The following COA6 variants were observed in gnomAD, a reference collection of about 807,000 sequenced individuals.
COA6 encodes the protein cytochrome c oxidase assembly factor 6 homolog.
COA6 carries 12 observed loss-of-function variants against 17.1 expected under a neutral mutation model. The ratio of observed to expected loss-of-function variants is 0.70; its 90% CI spans 0.45 to 1.14. The LOEUF (loss-of-function observed/expected upper bound fraction) is 1.14, where lower values mean the gene tolerates loss of function less well. COA6 is among the 50% of genes most tolerant of loss of function. The pLI, the probability that COA6 is intolerant of heterozygous loss-of-function variation, is 0.00. For missense variants in COA6, 246 were observed against 196.5 expected (o/e 1.25, Z -1.51); for synonymous variants, 90 against 73.4 (o/e 1.23, Z -1.16).
rs768275768 is a variant in COA6 at position 234,374,224 on chromosome 1, C to T, written c.213-6C>T. On this transcript the variant is annotated splice_polypyrimidine_tract_variant and splice_region_variant and intron_variant, in intron 1 of 2. Coordinates refer to ENST00000366615, the MANE Select transcript of COA6 (RefSeq NM_001206641.3). The stretch of plus-strand genomic sequence containing the variant: ...TGTTAATCTCAAATATTATTTTGGC[C>T]AACAGCTTCATCGCAGTAGGAATGG... 9 of 1,604,846 alleles carry T rather than the reference C, an allele frequency of 5.6e-6. No homozygotes were observed. In the South Asian group the frequency reaches 7.8e-5, roughly 14 times the overall value.
chr1:234,374,427 G>T (rs1386137986), intron 2 of COA6, 38 bp downstream of exon 2: 1 of 1,606,244 alleles, frequency 6.2e-7, no homozygotes, highest in South Asian at 1.1e-5. Context: ...TCCCTGTTAA[G>T]ATACATCGAG....
At chr1:234,379,716 G>A (rs962522394) in intron 2 of COA6, among the ~76,000 whole-genome samples, 3 of 152,170 alleles carry the variant, frequency 2.0e-5, no homozygotes, top group African/African-American at 7.2e-5. Context: ...TGGAAGGCAA[G>A]GGGGAAGCAA....
chr1:234,382,786 C>T (rs1408543981), intron 2 of COA6, among the ~76,000 whole-genome samples: 2 of 152,120 alleles, frequency 1.3e-5, no homozygotes, highest in East Asian at 3.9e-4. Flanking sequence ...AGGTGGATCA[C>T]TTGAGGTCAG....
intron 2 of COA6, among the ~76,000 whole-genome samples, chr1:234,380,096 T>C (rs1658930158): frequency 1.3e-5 from 2 of 152,238 alleles, no homozygotes; most frequent in Admixed American, 1.3e-4. Context: ...TCTGCACCAC[T>C]GTTCTTTCTT....
At position 234,383,765 on chromosome 1, in the gene COA6, GA is replaced by G; in HGVS notation, c.420del (p.Lys140AsnfsTer30). 1.3e-6 allele frequency: 2 copies of G among 1,567,920 alleles called. No homozygotes were observed. Among genetic ancestry groups the G allele is most frequent in the Non-Finnish European group, 1.8e-6 (2 of 1,142,722 alleles). ...AAGAAGAGACTACTTAAAATTCAAA[GA>G]AAAATTTGAAGCAGGACAATTTGAG... Reference protein sequence around the residue: ...DKRRDYLKFKEKFEAGQFEPS... With the variant: ...DKRRDYLKFKXKFEAGQFEPS... On this transcript the variant is annotated frameshift_variant, in exon 3 of 3. Coordinates refer to ENST00000366615, the MANE Select transcript of COA6 (RefSeq NM_001206641.3). LOFTEE classifies it high-confidence loss of function.
Position 234,373,629 on chromosome 1 carries a change from G to A in COA6, c.163G>A (p.Val55Ile), listed in dbSNP as rs749057552. Residue 55 changes from valine to isoleucine, a missense_variant, in exon 1 of 3, where the codon GTT (valine) becomes ATT (isoleucine). Coordinates refer to ENST00000366615, the MANE Select transcript of COA6 (RefSeq NM_001206641.3). ...LHRRLVACVT[V>I]SSRRHRKEAG... The stretch of plus-strand genomic sequence containing the variant: ...CCGCCGGTTGGTGGCCTGCGTGACA[G>A]TTTCCTCCCGTCGACATCGAAAGGA... The A allele has an allele frequency of 5.0e-6, 8 of 1,613,308 alleles. No homozygotes were observed. Among genetic ancestry groups the A allele is most frequent in the Non-Finnish European group, 6.8e-6 (8 of 1,179,670 alleles).
rs1372197128 is a variant in COA6, at chr1:234,384,696, TTG to T, written c.*879_*880del. Among the ~76,000 whole-genome samples, 2 of 152,206 alleles carry T rather than the reference TTG, an allele frequency of 1.3e-5. No individual in the cohort carries two copies. Among genetic ancestry groups the T allele is most frequent in the South Asian group, 2.1e-4 (1 of 4,830 alleles). On this transcript the variant is annotated 3_prime_UTR_variant, in exon 3 of 3. Coordinates refer to ENST00000366615, the MANE Select transcript of COA6 (RefSeq NM_001206641.3). ...TCAGATTAAATGGAGAGGTATACAGTTGGCCCTCTGTGGGTTCTGCATCCATG... is the reference window on the plus strand; with the variant it reads ...TCAGATTAAATGGAGAGGTATACAGTGCCCTCTGTGGGTTCTGCATCCATG...
At chr1:234,376,507 C>A (rs949841093) in intron 2 of COA6, among the ~76,000 whole-genome samples, 1 of 152,146 alleles carries the variant, frequency 6.6e-6, no homozygotes, top group African/African-American at 2.4e-5. Flanking sequence ...ACTCTCTTAG[C>A]GGTTTTATAG....
rs150679209 is a variant in COA6, at chr1:234,378,299, A to G, written c.372+3910A>G. Among the ~76,000 whole-genome samples, 686 of 152,268 alleles carry G rather than the reference A, an allele frequency of 4.5e-3. 11 individuals carry two copies. Among genetic ancestry groups the G allele is most frequent in the African/African-American group, 0.015 (642 of 41,558 alleles). The stretch of plus-strand genomic sequence containing the variant: ...ATCTATTGAGCACCTCCTATGTGCC[A>G]TAGGAAAATACAGCAAGGAAAAATA... On this transcript the variant is annotated intron_variant, in intron 2 of 2. Coordinates refer to ENST00000366615, the MANE Select transcript of COA6 (RefSeq NM_001206641.3).
intron 2 of COA6, among the ~76,000 whole-genome samples, chr1:234,381,702 G>GC: frequency 6.6e-6 from 1 of 152,232 alleles, no homozygotes; most frequent in Non-Finnish European, 1.5e-5. Flanking sequence ...ACCCAAGTGA[G>GC]AAATGATGAG....
chr1:234,373,777 G>C lies in COA6; in HGVS notation c.212+99G>C, dbSNP rs1419715894. On this transcript the variant is annotated intron_variant, in intron 1 of 2. Coordinates refer to ENST00000366615, the MANE Select transcript of COA6 (RefSeq NM_001206641.3). ...CGCGGGTTCCTCTTGTGCAAAACGG[G>C]GTGGCACTCCAATCGCCTGCTTGGT... 1.9e-6 allele frequency: 3 copies of C among 1,613,784 alleles called. No individual in the cohort carries two copies. In the East Asian group the frequency reaches 6.7e-5, roughly 36 times the overall value.
chr1:234,378,503 A>G (rs558209916), intron 2 of COA6, among the ~76,000 whole-genome samples: 1 of 152,372 alleles, frequency 6.6e-6, no homozygotes, highest in African/African-American at 2.4e-5. Flanking sequence ...TCACAAAGTT[A>G]TGAAAAAAGT....
chr1:234,375,792 T>A (rs1416039220), intron 2 of COA6, among the ~76,000 whole-genome samples: 1 of 152,202 alleles, frequency 6.6e-6, no homozygotes, highest in African/African-American at 2.4e-5. Context: ...AAGCTGGCAC[T>A]ATGGGCATTT....
At chr1:234,373,902 C>G in intron 1 of COA6, 1 of 1,561,810 alleles carries the variant, frequency 6.4e-7, no homozygotes, top group Non-Finnish European at 8.7e-7. Flanking sequence ...GGGAAACGGG[C>G]TCGGAGAGAA....
rs1022294952 is a variant in COA6, at chr1:234,384,833, C to A, written c.*1015C>A. ...TTACATTGTATTAGGTATTGTAAGTCATTGAGATGATTTAAAGTATAGGCA... is the reference window on the plus strand; with the variant it reads ...TTACATTGTATTAGGTATTGTAAGTAATTGAGATGATTTAAAGTATAGGCA... On this transcript the variant is annotated 3_prime_UTR_variant, in exon 3 of 3. Coordinates refer to ENST00000366615, the MANE Select transcript of COA6 (RefSeq NM_001206641.3). Among the ~76,000 whole-genome samples the A allele has an allele frequency of 1.3e-5, 2 of 152,160 alleles. No individual in the cohort carries two copies. The highest frequency in any genetic ancestry group is 4.8e-5 in the African/African-American group (2 of 41,430).
At chr1:234,379,041 CTG>C (rs1240214710) in intron 2 of COA6, among the ~76,000 whole-genome samples, 1 of 137,928 alleles carries the variant, frequency 7.3e-6, no homozygotes. Flanking sequence ...CAGTCTCACT[CTG>C]TTGCCCAGGC....
At position 234,373,546 on chromosome 1, in the gene COA6, T is replaced by C. The variant is rs1398813514; in HGVS notation, c.80T>C (p.Leu27Pro). The change falls in exon 1 of 3, where the codon CTA becomes CCA. Residue 27 changes from leucine to proline, a missense_variant. Transcript: ENST00000366615. ...CFLRLGRSTL[L>P]ELEPAGRPCS... Reference sequence around the variant, plus strand: ...TTGCGGCTGGGGAGGTCTACGCTTCTAGAGCTTGAGCCAGCGGGGCGACCC... The same window carrying C: ...TTGCGGCTGGGGAGGTCTACGCTTCCAGAGCTTGAGCCAGCGGGGCGACCC... 1 of 1,611,588 alleles carries C rather than the reference T, an allele frequency of 6.2e-7. No individual in the cohort carries two copies.
At chr1:234,373,710 GC>G in intron 1 of COA6, 32 bp downstream of exon 1, 1 of 1,613,726 alleles carries the variant, frequency 6.2e-7, no homozygotes, top group Non-Finnish European at 8.5e-7. Flanking sequence ...GGTGGGGCGC[GC>G]GTGGACTATG....
At chr1:234,374,107 T>C in intron 1 of COA6, 123 bp from the exon 2 acceptor site, 1 of 1,070,650 alleles carries the variant, frequency 9.3e-7, no homozygotes, top group Non-Finnish European at 1.3e-6. Flanking sequence ...TTTTGTTTTG[T>C]TTTTGTTTTT....
Sources: gnomAD v4.1 joint callset for allele counts (sites outside exome capture counted in the v4.1 genomes callset) on GRCh38, gnomAD v4.1.1 for gene constraint, MANE v1.5 for transcripts, NCBI Gene and HGNC (gene_info 2026-07-23, HGNC 2026-07-21) for gene names.